CLMN: variants seen among roughly 807,000 people sequenced by gnomAD.
CLMN encodes the protein calmin (calponin-like, transmembrane).
A neutral mutation model predicts 92.7 loss-of-function variants in CLMN; 57 were observed. The ratio of observed to expected loss-of-function variants is 0.61; its 90% CI spans 0.50 to 0.77. The LOEUF (loss-of-function observed/expected upper bound fraction) is 0.77. Ranked by LOEUF, CLMN falls within the 30% of genes least tolerant of loss-of-function variation. The probability of loss-of-function intolerance (pLI) is 0.00; values close to 1 mark genes in which losing one functional copy is unlikely to be tolerated. For synonymous variants in CLMN, 466 were observed against 470.6 expected (o/e 0.99, Z 0.13); for missense variants, 1,158 against 1,237.5 (o/e 0.94, Z 0.96).
At chr14:95,228,698 A>T (rs1003383614) in intron 2 of CLMN, among the ~76,000 whole-genome samples, 13 of 152,240 alleles carry the variant, frequency 8.5e-5, no homozygotes, top group Non-Finnish European at 1.9e-4. Flanking sequence ...TTTTTGAGAC[A>T]GGGTCTCGCT....
rs376396215 is a variant in CLMN at position 95,201,349 on chromosome 14, G to A, written c.2511+1489C>T. Among the ~76,000 whole-genome samples, 16 of 151,624 alleles carry A rather than the reference G, an allele frequency of 1.1e-4. No individual in the cohort carries two copies. In the East Asian group the frequency reaches 2.9e-3, roughly 28 times the overall value. On this transcript the variant is annotated intron_variant, in intron 9 of 12. Coordinates refer to ENST00000298912, the MANE Select transcript of CLMN (RefSeq NM_024734.4). ...TGGGAGTCACAGCGAAGAAGGCCTG[G>A]ATTTCCAGCCCTCCCCACCCCTCTC...
At chr14:95,206,065 G>A (rs1897038950) in intron 8 of CLMN, among the ~76,000 whole-genome samples, 1 of 152,116 alleles carries the variant, frequency 6.6e-6, no homozygotes, top group African/African-American at 2.4e-5. Context: ...TTAAATATAA[G>A]TGTACATACA....
chr14:95,316,817 G>A (rs1901794632), intron 1 of CLMN, among the ~76,000 whole-genome samples: 2 of 152,234 alleles, frequency 1.3e-5, no homozygotes, highest in African/African-American at 4.8e-5. Flanking sequence ...CCATCCCAGG[G>A]CCCCAAGAGA....
chr14:95,272,129 C>T (rs1178366594), intron 1 of CLMN, among the ~76,000 whole-genome samples: 1 of 152,186 alleles, frequency 6.6e-6, no homozygotes. Flanking sequence ...CCAAAGTGTA[C>T]AAGACGTTTC....
rs187536805 is a variant in CLMN at position 95,231,343 on chromosome 14, C to T, written c.83-1210G>A. On this transcript the variant is annotated intron_variant, in intron 1 of 12. Coordinates refer to ENST00000298912, the MANE Select transcript of CLMN (RefSeq NM_024734.4). ...TCCAGAGTAGCTGGGACTACAGGCG[C>T]GCACCACCATGCCTGGCTAATTTTT... Among the ~76,000 whole-genome samples the T allele has an allele frequency of 2.1e-3, 319 of 152,106 alleles. 2 individuals carry two copies. The highest frequency in any genetic ancestry group is 7.2e-3 in the African/African-American group (299 of 41,496).
chr14:95,237,602 A>G (rs1898100394), intron 1 of CLMN, among the ~76,000 whole-genome samples: 1 of 152,186 alleles, frequency 6.6e-6, no homozygotes, highest in Non-Finnish European at 1.5e-5. Context: ...AGTTTTGTGC[A>G]GAGGGAAGAA....
intron 1 of CLMN, among the ~76,000 whole-genome samples, chr14:95,245,198 TA>T (rs1898441030): frequency 8.7e-5 from 3 of 34,608 alleles, no homozygotes; most frequent in African/African-American, 4.4e-4. Flanking sequence ...ATATATAATA[TA>T]TATATATATT....
At chr14:95,257,746 G>T (rs77384691) in intron 1 of CLMN, among the ~76,000 whole-genome samples, 4 of 152,176 alleles carry the variant, frequency 2.6e-5, no homozygotes, top group African/African-American at 9.7e-5. Flanking sequence ...TGTCTCTGCC[G>T]CATCTCAGCA....
chr14:95,238,955 AG>A (rs1898151873), intron 1 of CLMN, among the ~76,000 whole-genome samples: 1 of 152,210 alleles, frequency 6.6e-6, no homozygotes, highest in African/African-American at 2.4e-5. Flanking sequence ...ATATATATAT[AG>A]GGCTGGTGCC....
intron 1 of CLMN, among the ~76,000 whole-genome samples, chr14:95,318,271 T>G (rs2140810377): frequency 6.6e-6 from 1 of 152,272 alleles, no homozygotes; most frequent in African/African-American, 2.4e-5. Flanking sequence ...TCAGTTCTTC[T>G]CAGGCAACAG....
chr14:95,245,801 T>TGGATGGATGGATGGATGGATGGAC (rs1898542319), intron 1 of CLMN, among the ~76,000 whole-genome samples: 1 of 147,032 alleles, frequency 6.8e-6, no homozygotes, highest in Non-Finnish European at 1.5e-5. Flanking sequence ...GATTATTGGA[T>TGGATGGATGGATGGATGGATGGAC]GGATGGATGG....
chr14:95,229,933 A>G lies in CLMN; in HGVS notation c.144+139T>C. Reference sequence around the variant, plus strand: ...CCCAATCCTGAGCTTGGTAACCGGCAGGGGGAGGCACTTATAAATGTTTAA... The same window carrying G: ...CCCAATCCTGAGCTTGGTAACCGGCGGGGGGAGGCACTTATAAATGTTTAA... On this transcript the variant is annotated intron_variant, in intron 2 of 12. Coordinates refer to ENST00000298912, the MANE Select transcript of CLMN (RefSeq NM_024734.4). 3 of 751,982 alleles carry G rather than the reference A, an allele frequency of 4.0e-6. No individual in the cohort carries two copies. The South Asian group carries it at 5.0e-5, about 13-fold the overall frequency. The allele number at this position is 751,982 out of a possible 1,614,324, so 46.6% of individuals were successfully genotyped here. A position where few individuals can be genotyped will look rare whatever the true frequency, so the allele number is the denominator to read the frequency against.
At chr14:95,219,450 C>T (rs1348034994) in intron 4 of CLMN, among the ~76,000 whole-genome samples, 1 of 152,162 alleles carries the variant, frequency 6.6e-6, no homozygotes, top group East Asian at 1.9e-4. Flanking sequence ...GGGCATCAGA[C>T]GTAATCAATC....
chr14:95,300,988 G>GA lies in CLMN; in HGVS notation c.82+18722dup, dbSNP rs141317547. On this transcript the variant is annotated intron_variant, in intron 1 of 12. Transcript: ENST00000298912. ...TGACTTGAAAATAGGCAATATTTTAGAAAATAGAAATAAAAGTTGCAGATT... is the reference window on the plus strand; with the variant it reads ...TGACTTGAAAATAGGCAATATTTTAGAAAAATAGAAATAAAAGTTGCAGATT... 1.4e-3 allele frequency among the ~76,000 whole-genome samples: 219 copies of GA among 152,344 alleles called. 3 individuals carry two copies. In the East Asian group the frequency reaches 0.039, roughly 27 times the overall value.
At chr14:95,257,778 T>A (rs1406794897) in intron 1 of CLMN, among the ~76,000 whole-genome samples, 1 of 152,240 alleles carries the variant, frequency 6.6e-6, no homozygotes, top group East Asian at 1.9e-4. Context: ...CCAGTCCCAG[T>A]TGGACTGACT....
At chr14:95,292,371 G>T (rs1900602924) in intron 1 of CLMN, among the ~76,000 whole-genome samples, 1 of 151,772 alleles carries the variant, frequency 6.6e-6, no homozygotes, top group Non-Finnish European at 1.5e-5. Flanking sequence ...GCTCCCCTAG[G>T]ATGGTTTAAA....
At chr14:95,257,278 G>A (rs74680578) in intron 1 of CLMN, among the ~76,000 whole-genome samples, 13,741 of 152,174 alleles carry the variant, frequency 0.09, 650 homozygotes, top group African/African-American at 0.12. Context: ...CATCTAGACG[G>A]GGACCTGTTT....
Position 95,203,847 on chromosome 14 carries a change from T to A in CLMN, c.1502A>T (p.Asn501Ile). The change falls in exon 9 of 13, where the codon AAT becomes ATT. Residue 501 changes from asparagine to isoleucine, a missense_variant. By Grantham distance (149) the Asn-to-Ile change is moderately radical (BLOSUM62 -3). Coordinates refer to ENST00000298912, the MANE Select transcript of CLMN (RefSeq NM_024734.4). ...ATTACAGGAAGAAGACTGAGAATTA[T>A]TGTTTGTGCCCTCCACCAAAAAAAT... Reference protein sequence around the residue: ...GDIFLVEGTNNNSQSSSCNGA... With the variant: ...GDIFLVEGTNINSQSSSCNGA... The A allele has an allele frequency of 6.2e-7, 1 of 1,614,184 alleles. No individual in the cohort carries two copies. Among genetic ancestry groups the A allele is most frequent in the Non-Finnish European group, 8.5e-7 (1 of 1,180,034 alleles).
In CLMN at chr14:95,294,415, T is replaced by C. The variant is rs924439001; in HGVS notation, c.82+25296A>G. On this transcript the variant is annotated intron_variant, in intron 1 of 12. Transcript: ENST00000298912. The surrounding 1 kb of genome is among the most constrained non-coding windows in gnomAD (Gnocchi z 4.2). ...GGGCTGGGGGCAGAACGTGTGCTTGTCTGGCATGCACGGGGCAGGCCTTGC... is the reference window on the plus strand; with the variant it reads ...GGGCTGGGGGCAGAACGTGTGCTTGCCTGGCATGCACGGGGCAGGCCTTGC... Among the ~76,000 whole-genome samples, 1 of 152,342 alleles carries C rather than the reference T, an allele frequency of 6.6e-6. No homozygotes were observed. The highest frequency in any genetic ancestry group is 2.4e-5 in the African/African-American group (1 of 41,576).
Sources: gnomAD v4.1 joint callset for allele counts (sites outside exome capture counted in the v4.1 genomes callset) on GRCh38, gnomAD v4.1.1 for gene constraint, Gnocchi (gnomAD v3.1) non-coding constraint, MANE v1.5 for transcripts, NCBI Gene and HGNC (gene_info 2026-07-23, HGNC 2026-07-21) for gene names.